Variants in ASPH observed in about 807,000 individuals in gnomAD.
ASPH encodes the protein aspartate beta-hydroxylase.
Under a neutral mutation model 118.4 loss-of-function variants are expected in ASPH, and 100 were observed. That is an observed-to-expected ratio of 0.84 (90% CI 0.72 to 1.00). The LOEUF is 1.00. ASPH is among the 50% of genes least tolerant of loss of function. The probability of loss-of-function intolerance (pLI) is 0.00; values close to 1 mark genes in which losing one functional copy is unlikely to be tolerated. For synonymous variants in ASPH, 315 were observed against 325.6 expected (o/e 0.97, Z 0.35); for missense variants, 920 against 919.5 (o/e 1.00, Z -0.01).
At position 61,653,632 on chromosome 8, in the gene ASPH, T is replaced by C. The variant is rs766408726; in HGVS notation, c.351A>G (p.Pro117=). 6 of 1,613,856 alleles carry C rather than the reference T, an allele frequency of 3.7e-6. No homozygotes were observed. The South Asian group carries it at 6.6e-5, about 18-fold the overall frequency. ...GCTCAGCCTCTTCTGGCGGGACTGC[T>C]GGCTCTGAAGTAGATCTCTCTTTAA... is the stretch of plus-strand genomic sequence containing the variant. ...LGLKERSTSE[P]AVPPEEAEPH... is the part of the protein sequence containing the mutation. Residue 117 remains proline (P), a synonymous_variant, in exon 4 of 25, where the codon CCA becomes CCG. Transcript: ENST00000379454.
Position 61,563,644 on chromosome 8 carries a change from C to T in ASPH, c.1301-764G>A, listed in dbSNP as rs1221081038. On this transcript the variant is annotated intron_variant, in intron 17 of 24. Transcript: ENST00000379454. ...TATATTCCACTGCCAAACCATCTGC[C>T]ATAAAGCATCACCAACTCATCCGAC... Among the ~76,000 whole-genome samples, 4 of 152,296 alleles carry T rather than the reference C, an allele frequency of 2.6e-5. No individual in the cohort carries two copies. The East Asian group carries it at 7.7e-4, about 29-fold the overall frequency.
intron 1 of ASPH, among the ~76,000 whole-genome samples, chr8:61,690,373 G>T (rs1405407202): frequency 6.6e-6 from 1 of 152,168 alleles, no homozygotes; most frequent in African/African-American, 2.4e-5. Flanking sequence ...GGACTGGTGG[G>T]AAGGAAAGAA....
chr8:61,693,168 C>T (rs1203709164), intron 1 of ASPH, among the ~76,000 whole-genome samples: 1 of 152,090 alleles, frequency 6.6e-6, no homozygotes, highest in Non-Finnish European at 1.5e-5. Flanking sequence ...ATCCCTGTGG[C>T]CAGCTAGACA....
chr8:61,579,685 C>A (rs1587569335), intron 15 of ASPH: 2 of 1,290,952 alleles, frequency 1.5e-6, no homozygotes, highest in Non-Finnish European at 2.2e-6. Flanking sequence ...GCTGTGGCAG[C>A]CCCTCCCAGC....
At chr8:61,697,841 T>C (rs1721208341) in intron 1 of ASPH, among the ~76,000 whole-genome samples, 1 of 152,124 alleles carries the variant, frequency 6.6e-6, no homozygotes, top group Non-Finnish European at 1.5e-5. Context: ...CGGGCTGGAG[T>C]GCAGTAGTGC....
intron 15 of ASPH, chr8:61,579,513 A>G (rs1836684610): frequency 6.4e-7 from 1 of 1,567,166 alleles, no homozygotes; most frequent in East Asian, 2.2e-5. Context: ...GGGCCTCACA[A>G]GCCCCGGCCT....
chr8:61,651,612 T>A (rs1466485191), intron 4 of ASPH, among the ~76,000 whole-genome samples: 1 of 152,232 alleles, frequency 6.6e-6, no homozygotes, highest in South Asian at 2.1e-4. Flanking sequence ...GTGAGAGGAC[T>A]GAATACTCAG....
chr8:61,689,841 G>C, intron 1 of ASPH: 1 of 1,389,476 alleles, frequency 7.2e-7, no homozygotes, highest in Non-Finnish European at 9.4e-7. Context: ...AGGGCCTCTA[G>C]AACTGAAATT....
At chr8:61,556,204 G>A (rs548629940) in intron 18 of ASPH, among the ~76,000 whole-genome samples, 182 bp from the exon 19 acceptor site, 1 of 152,192 alleles carries the variant, frequency 6.6e-6, no homozygotes, top group East Asian at 1.9e-4. Context: ...AGCTTAAATG[G>A]CTCCATTTCC....
intron 12 of ASPH, among the ~76,000 whole-genome samples, chr8:61,635,134 C>T (rs1857180564): frequency 1.3e-5 from 2 of 152,170 alleles, no homozygotes; most frequent in Admixed American, 6.5e-5. Context: ...CACTCACAAT[C>T]TCTACGTGGC....
At chr8:61,564,657 C>A (rs1831053784) in intron 17 of ASPH, among the ~76,000 whole-genome samples, 1 of 152,178 alleles carries the variant, frequency 6.6e-6, no homozygotes, top group South Asian at 2.1e-4. Flanking sequence ...GAGTCCCGGC[C>A]CTGCCTTTTC....
intron 17 of ASPH, among the ~76,000 whole-genome samples, chr8:61,563,321 A>C (rs1189498214): frequency 6.6e-6 from 1 of 152,220 alleles, no homozygotes; most frequent in Non-Finnish European, 1.5e-5. Flanking sequence ...GCACCAAAGT[A>C]CATAGGACAG....
chr8:61,665,062 T>C (rs1228027633), intron 3 of ASPH: 4 of 1,317,026 alleles, frequency 3.0e-6, no homozygotes, highest in Non-Finnish European at 2.9e-6. Flanking sequence ...TTTTAAAATG[T>C]TTTTACATTT....
At chr8:61,579,754 G>A in intron 15 of ASPH, 1 of 838,272 alleles carries the variant, frequency 1.2e-6, no homozygotes, top group Admixed American at 1.7e-5. Flanking sequence ...GGGTAGCACT[G>A]GGAACAGGAG....
intron 21 of ASPH, among the ~76,000 whole-genome samples, chr8:61,546,362 G>T (rs1013768843): frequency 6.6e-6 from 1 of 152,148 alleles, no homozygotes; most frequent in Non-Finnish European, 1.5e-5. Context: ...GTACAGTAGA[G>T]AAATGAACTC....
intron 3 of ASPH, chr8:61,665,417 T>G (rs1316240761): frequency 1.2e-6 from 2 of 1,609,644 alleles, no homozygotes; most frequent in African/African-American, 1.3e-5. Context: ...TTTTTCTAGG[T>G]CCACTTTCTC....
At chr8:61,607,317 A>G (rs938388713) in intron 14 of ASPH, 11 of 701,684 alleles carry the variant, frequency 1.6e-5, no homozygotes, top group Admixed American at 1.0e-4. Context: ...GACGCAAATG[A>G]GTCCTCTGTA....
At chr8:61,534,496 C>A (rs1818752644) in intron 21 of ASPH, among the ~76,000 whole-genome samples, 1 of 152,172 alleles carries the variant, frequency 6.6e-6, no homozygotes, top group South Asian at 2.1e-4. Context: ...AAAGTATCAG[C>A]ATATTTTACA....
At position 61,643,402 on chromosome 8, in the gene ASPH, T is replaced by C. The variant is rs373896228; in HGVS notation, c.741A>G (p.Arg247=). The C allele has an allele frequency of 5.0e-6, 8 of 1,605,736 alleles. No individual in the cohort carries two copies. Among genetic ancestry groups the C allele is most frequent in the East Asian group, 4.5e-5 (2 of 44,766 alleles). The change falls in exon 9 of 25, where the codon AGA becomes AGG. Residue 247 remains arginine (R), a synonymous_variant. Transcript: ENST00000379454. ...ATCTAATACCTGTATCATGGTGCAA[T>C]CTTTCATCTTCTACTACTGGTTCAC... ...DSSEPVVEDE[R]LHHDTDDVTY... is the part of the protein sequence containing the mutation.
Sources: allele counts gnomAD v4.1 joint callset (sites outside exome capture counted in the v4.1 genomes callset), GRCh38; gene constraint gnomAD v4.1.1; transcripts MANE v1.5; gene names NCBI Gene and HGNC (gene_info 2026-07-23, HGNC 2026-07-21).